AGBL5: variants seen among roughly 807,000 people sequenced by gnomAD.
AGBL5 encodes cytosolic carboxypeptidase-like protein 5.
Under a neutral mutation model 88.0 loss-of-function variants are expected in AGBL5, and 51 were observed. That is an observed-to-expected ratio of 0.58 (90% confidence interval 0.46 to 0.73). The LOEUF (loss-of-function observed/expected upper bound fraction) is 0.73. Among genes scored for constraint, AGBL5 ranks in the 30% least tolerant of loss-of-function variants. The pLI is 0.00. For missense variants in AGBL5, 1,031 were observed against 1,162.2 expected, an observed-to-expected ratio of 0.89 and a Z score of 1.64; for synonymous variants, 446 against 438.8, an observed-to-expected ratio of 1.02 and a Z score of -0.21.
chr2:27,058,413 T>C lies in AGBL5; in HGVS notation c.1685T>C (p.Met562Thr). The C allele has an allele frequency of 6.2e-7, 1 of 1,613,152 alleles. No individual in the cohort carries two copies. Among genetic ancestry groups the C allele is most frequent in the Admixed American group, 1.7e-5 (1 of 60,030 alleles). The change falls in exon 10 of 15, where the codon ATG becomes ACG. Residue 562 changes from methionine (M) to threonine (T), a missense_variant. This residue lies in a region of AGBL5 where 491 missense variants were observed against 484.0 expected (regional missense o/e 1.01). Transcript: ENST00000360131. ...VELFEQVGRA[M>T]AIAALDMAEC... Reference sequence around the variant, plus strand: ...ACTACCCCACAGGTGGGACGAGCTATGGCCATTGCAGCCCTGGACATGGCG... The same window carrying C: ...ACTACCCCACAGGTGGGACGAGCTACGGCCATTGCAGCCCTGGACATGGCG...
rs577737919 is a variant in AGBL5 at position 27,055,351 on chromosome 2, G to C, written c.908+98G>C. On this transcript the variant is annotated intron_variant, in intron 6 of 14. Transcript: ENST00000360131. ...CAGCCTTCTGGCTTCTGTGTTCCCA[G>C]TCCTCTTGCACCCTAATAAAGGCAA... 4,439 of 1,466,540 alleles carry C rather than the reference G, an allele frequency of 3.0e-3. 15 individuals carry two copies. The highest frequency in any genetic ancestry group is 3.9e-3 in the Non-Finnish European group (4,181 of 1,072,300). The allele number at this position is 1,466,540 out of a possible 1,614,324, so 90.8% of individuals were successfully genotyped here. A position where few individuals can be genotyped will look rare whatever the true frequency, so the allele number is the denominator to read the frequency against.
intron 11 of AGBL5, among the ~76,000 whole-genome samples, chr2:27,061,485 C>T (rs556634772): frequency 2.1e-4 from 32 of 152,294 alleles, no homozygotes; most frequent in Admixed American, 5.9e-4. Context: ...TCGCCTGCCT[C>T]GGCCTCCCAA....
In AGBL5 at chr2:27,059,553, G is replaced by A. The variant is rs1386400877; in HGVS notation, c.2089+149G>A. On this transcript the variant is annotated intron_variant, in intron 11 of 14. Coordinates refer to ENST00000360131, the MANE Select transcript of AGBL5 (RefSeq NM_021831.6). ...TAGCAGAACCTGTGGCCTCTCCTACGACCTTGGTGTTCCCTGCGGCATGAT... is the reference window on the plus strand; with the variant it reads ...TAGCAGAACCTGTGGCCTCTCCTACAACCTTGGTGTTCCCTGCGGCATGAT... 5.3e-6 allele frequency: 8 copies of A among 1,501,442 alleles called. No individual in the cohort carries two copies. In the East Asian group the frequency reaches 1.1e-4, roughly 21 times the overall value. 93.0% of individuals were successfully genotyped at this position (1,501,442 alleles called of 1,614,324 possible).
At chr2:27,067,696 C>CTAGG in intron 12 of AGBL5, 50 bp downstream of exon 12, 1 of 1,594,640 alleles carries the variant, frequency 6.3e-7, no homozygotes, top group Non-Finnish European at 8.6e-7. Flanking sequence ...TCCTCCATGG[C>CTAGG]CAGGCCAGGT....
rs1184524265 is a variant in AGBL5, at chr2:27,055,326, C to T, written c.908+73C>T. 2.6e-6 allele frequency: 4 copies of T among 1,550,374 alleles called. No homozygotes were observed. The Admixed American group carries it at 7.2e-5, about 28-fold the overall frequency. On this transcript the variant is annotated intron_variant, in intron 6 of 14. Coordinates refer to ENST00000360131, the MANE Select transcript of AGBL5 (RefSeq NM_021831.6). ...GCCCTGCATCTCAGTGAAATTCTGT[C>T]AGCCTTCTGGCTTCTGTGTTCCCAG...
intron 11 of AGBL5, among the ~76,000 whole-genome samples, chr2:27,064,907 C>T (rs1331241376): frequency 2.0e-5 from 3 of 151,926 alleles, no homozygotes; most frequent in Admixed American, 1.3e-4. Context: ...GCGCTCACCA[C>T]CACGCCTGGC....
intron 1 of AGBL5, 29 bp from the exon 2 acceptor site, chr2:27,052,884 T>C: frequency 1.5e-6 from 2 of 1,352,198 alleles, no homozygotes; most frequent in Non-Finnish European, 2.0e-6. Flanking sequence ...TTCCCTTTCC[T>C]CCTTAACCTA....
intron 7 of AGBL5, 105 bp downstream of exon 7, chr2:27,056,243 GGAAGGCCTGTGTAGACTA>G: frequency 3.9e-6 from 5 of 1,273,654 alleles, no homozygotes; most frequent in Non-Finnish European, 5.4e-6. Flanking sequence ...CTTTCTGGAA[GGAAGGCCTGTGTAGACTA>G]CCTCTGAAAA....
Position 27,056,106 on chromosome 2 carries a change from T to C in AGBL5, c.1333T>C (p.Tyr445His). Residue 445 changes from tyrosine to histidine, a missense_variant, in exon 7 of 15, where the codon TAC becomes CAC. Physicochemically the swap from Tyr to His is moderately conservative, Grantham distance 83. Around this residue, in one of 2 missense-constraint regions of AGBL5, gnomAD observed 540 missense variants for 678.2 expected, o/e 0.80. Coordinates refer to ENST00000360131, the MANE Select transcript of AGBL5 (RefSeq NM_021831.6). ...TGCTTCCAAAAGGGGCTGCTTCATG[T>C]ACGGAAACAGCTTTAGTGATGAGAG... The part of the protein sequence containing the change: ...GHASKRGCFM[Y>H]GNSFSDESTQ... 1 of 1,613,698 alleles carries C rather than the reference T, an allele frequency of 6.2e-7. No homozygotes were observed. Among genetic ancestry groups the C allele is most frequent in the Non-Finnish European group, 8.5e-7 (1 of 1,179,648 alleles).
intron 5 of AGBL5, 131 bp downstream of exon 5, chr2:27,054,938 G>T: frequency 6.8e-7 from 1 of 1,478,642 alleles, no homozygotes; most frequent in Non-Finnish European, 9.2e-7. Flanking sequence ...CAAGGGTGAT[G>T]GCCCCTGCTC....
At chr2:27,056,550 A>G (rs1668440751) in intron 7 of AGBL5, 73 bp from the exon 8 acceptor site, 2 of 1,378,620 alleles carry the variant, frequency 1.5e-6, no homozygotes. Flanking sequence ...ACATGGTCAC[A>G]TACTTGCTAT....
rs1172051666 is a variant in AGBL5 at position 27,059,217 on chromosome 2, C to T, written c.1902C>T (p.Asn634=). 1 of 1,613,906 alleles carries T rather than the reference C, an allele frequency of 6.2e-7. No homozygotes were observed. Among genetic ancestry groups the T allele is most frequent in the African/African-American group, 1.3e-5 (1 of 74,974 alleles). The part of the protein sequence containing the change: ...HNGLPVSCSE[N]TLSRARSFST... ...GGTTGCCTGTCTCCTGCTCCGAAAA[C>T]ACCTTGAGTCGGGCACGAAGTTTTA... The change falls in exon 11 of 15, where the codon AAC becomes AAT. Residue 634 remains asparagine, a synonymous_variant. Coordinates refer to ENST00000360131, the MANE Select transcript of AGBL5 (RefSeq NM_021831.6).
At position 27,058,691 on chromosome 2, in the gene AGBL5, A is replaced by G. The variant is rs144425879; in HGVS notation, c.1874+89A>G. 1.0e-3 allele frequency: 1,488 copies of G among 1,419,650 alleles called. 16 individuals are homozygous for G. The African/African-American group carries it at 0.019, about 18-fold the overall frequency. The allele number at this position is 1,419,650 out of a possible 1,614,324, so 87.9% of individuals were successfully genotyped here. ...GTTCCAAGGGATTTATATTCCTTCC[A>G]TCCTCCTCAAAGTGCCAAATGGCAA... On this transcript the variant is annotated intron_variant, in intron 10 of 14. Transcript: ENST00000360131.
chr2:27,062,143 G>C (rs1303643208), intron 11 of AGBL5, among the ~76,000 whole-genome samples: 1 of 93,762 alleles, frequency 1.1e-5, no homozygotes, highest in Non-Finnish European at 2.1e-5. Context: ...TTTTTTTTGA[G>C]ACGGAATTTC....
At chr2:27,063,429 A>G (rs2148294512) in intron 11 of AGBL5, among the ~76,000 whole-genome samples, 1 of 152,178 alleles carries the variant, frequency 6.6e-6, no homozygotes, top group Middle Eastern at 3.4e-3. Context: ...CCCCATCTCT[A>G]CTAAAAATAC....
intron 11 of AGBL5, among the ~76,000 whole-genome samples, chr2:27,064,752 C>CTTTTTTT (rs58558379): frequency 1.6e-5 from 1 of 62,760 alleles, no homozygotes; most frequent in African/African-American, 6.6e-5. Flanking sequence ...GGTTTGGAAC[C>CTTTTTTT]TTTTTTTTTT....
In AGBL5 at chr2:27,055,741, AC is replaced by A; in HGVS notation, c.971del (p.Pro324ArgfsTer19). 6.2e-7 allele frequency: 1 copy of A among 1,614,112 alleles called. No homozygotes were observed. Among genetic ancestry groups the A allele is most frequent in the South Asian group, 1.1e-5 (1 of 91,076 alleles). On this transcript the variant is annotated frameshift_variant, in exon 7 of 15. Coordinates refer to ENST00000360131, the MANE Select transcript of AGBL5 (RefSeq NM_021831.6). LOFTEE classifies it high-confidence loss of function. ...RQYLKPDAVL[H>X]PAIYGAKAVL... ...TACCTGAAGCCTGATGCCGTCCTGC[AC>A]CCGGCCATCTATGGGGCCAAAGCTG...
At chr2:27,062,584 G>A (rs1003440121) in intron 11 of AGBL5, 1 of 152,098 alleles carries the variant, frequency 6.6e-6, no homozygotes, top group Non-Finnish European at 1.5e-5. Context: ...AGTAATTCCT[G>A]GTTGATTGAC....
At chr2:27,068,807 G>A in intron 13 of AGBL5, 63 bp downstream of exon 13, 1 of 1,595,496 alleles carries the variant, frequency 6.3e-7, no homozygotes, top group Admixed American at 1.8e-5. Flanking sequence ...CTGTTCCTCT[G>A]GGTAGTGGGA....
Sources: gnomAD v4.1 joint callset for allele counts (sites outside exome capture counted in the v4.1 genomes callset) on GRCh38, gnomAD v4.1.1 for gene constraint, gnomAD v4.1.1 regional missense constraint, MANE v1.5 for transcripts, NCBI Gene and HGNC (gene_info 2026-07-23, HGNC 2026-07-21) for gene names.